PCBP3: variants seen among roughly 807,000 people sequenced by gnomAD.
PCBP3 encodes the protein poly(rC) binding protein 3, also known as poly(rC)-binding protein 3.
Under a neutral mutation model 52.7 loss-of-function variants are expected in PCBP3, and 25 were observed. The ratio of observed to expected loss-of-function variants is 0.47; its 90% CI spans 0.35 to 0.66. The LOEUF (loss-of-function observed/expected upper bound fraction) is 0.66. PCBP3 is among the 30% of genes least tolerant of loss of function. The pLI is 0.01. For missense variants in PCBP3, 391 were observed against 490.3 expected (o/e 0.80, Z 1.91); for synonymous variants, 162 against 183.0 (o/e 0.89, Z 0.93).
At chr21:45,756,797 T>A (rs921191147) in intron 4 of PCBP3, among the ~76,000 whole-genome samples, 1 of 152,220 alleles carries the variant, frequency 6.6e-6, no homozygotes, top group South Asian at 2.1e-4. Context: ...CTCAGCATAT[T>A]TTCAAAGTTT....
At chr21:45,834,929 C>T (rs1336796699) in intron 4 of PCBP3, among the ~76,000 whole-genome samples, 1 of 152,228 alleles carries the variant, frequency 6.6e-6, no homozygotes, top group Non-Finnish European at 1.5e-5. Context: ...CACCGTGAGT[C>T]CCTCAAAGCG....
In PCBP3 at chr21:45,737,938, A is replaced by C. The variant is rs1482493743; in HGVS notation, c.-162+2509A>C. ...AGTTTTGGAAGCACTTGGTTTTTCCATTCCCATGTCTTGGAGGACTCTTCC... is the reference window on the plus strand; with the variant it reads ...AGTTTTGGAAGCACTTGGTTTTTCCCTTCCCATGTCTTGGAGGACTCTTCC... On this transcript the variant is annotated intron_variant, in intron 3 of 17. Transcript: ENST00000681687. The surrounding 1 kb of genome is among the most constrained non-coding windows in gnomAD (Gnocchi z 4.9). 6.6e-6 allele frequency among the ~76,000 whole-genome samples: 1 copy of C among 152,182 alleles called. No homozygotes were observed. The highest frequency in any genetic ancestry group is 1.5e-5 in the Non-Finnish European group (1 of 68,032).
intron 4 of PCBP3, among the ~76,000 whole-genome samples, chr21:45,784,420 CCCTACCT>C (rs537648185): frequency 0.082 from 10,188 of 124,330 alleles, 1,074 homozygotes; most frequent in Non-Finnish European, 0.11. Flanking sequence ...CTACCGCTAC[CCCTACCT>C]CCTACCTCCT....
intron 2 of PCBP3, among the ~76,000 whole-genome samples, chr21:45,680,076 T>TC (rs2081740759): frequency 6.6e-6 from 1 of 152,246 alleles, no homozygotes; most frequent in South Asian, 2.1e-4. Flanking sequence ...CTTATATCGT[T>TC]CCATTGATTG....
At position 45,939,960 on chromosome 21, in the gene PCBP3, C is replaced by T. The variant is rs868831723; in HGVS notation, c.910-70C>T. On this transcript the variant is annotated intron_variant, in intron 16 of 17. Coordinates refer to ENST00000681687, the MANE Select transcript of PCBP3 (RefSeq NM_001384156.1). The stretch of plus-strand genomic sequence containing the variant: ...GGCCCGTCCCACCGGCCCCCTCGGG[C>T]GCACTGCCCACAGTCTTCAGGGGCT... The T allele has an allele frequency of 5.7e-5, 81 of 1,430,040 alleles. No homozygotes were observed. The African/African-American group carries it at 6.9e-4, about 12-fold the overall frequency. The allele number at this position is 1,430,040 out of a possible 1,614,324, so 88.6% of individuals were successfully genotyped here.
chr21:45,816,498 CCCCCTCCCCTCCCCT>C (rs1211168287), intron 4 of PCBP3, among the ~76,000 whole-genome samples: 5 of 55,222 alleles, frequency 9.1e-5, no homozygotes, highest in South Asian at 1.3e-3. Context: ...TCCTCCCCTT[CCCCCTCCCCTCCCCT>C]CCCCTCCCCT....
At chr21:45,912,479 C>T (rs1052917964) in intron 11 of PCBP3, among the ~76,000 whole-genome samples, 1 of 152,154 alleles carries the variant, frequency 6.6e-6, no homozygotes, top group Non-Finnish European at 1.5e-5. Context: ...GGGCATGCCT[C>T]ACCTCACACC....
At chr21:45,894,381 G>T (rs1201539696) in intron 5 of PCBP3, among the ~76,000 whole-genome samples, 1 of 152,112 alleles carries the variant, frequency 6.6e-6, no homozygotes, top group Non-Finnish European at 1.5e-5. Context: ...TAATTAAAAG[G>T]GAGGCACAGA....
chr21:45,774,428 C>A (rs1054616843), intron 4 of PCBP3, among the ~76,000 whole-genome samples: 1 of 151,184 alleles, frequency 6.6e-6, no homozygotes, highest in Non-Finnish European at 1.5e-5. Context: ...TTGGTGGAGA[C>A]TTTAGTTTTT....
chr21:45,841,410 G>GAA lies in PCBP3; in HGVS notation c.-125-8542_-125-8541dup, dbSNP rs11373212. On this transcript the variant is annotated intron_variant, in intron 4 of 17. Transcript: ENST00000681687. ...TACATTTCTTCTACTTTTCATTTCT[G>GAA]AAAAAAAAAATCTAGTTGGTTCGTG... 4.4e-4 allele frequency among the ~76,000 whole-genome samples: 66 copies of GAA among 150,288 alleles called. No homozygotes were observed. In the South Asian group the frequency reaches 8.6e-3, roughly 20 times the overall value.
intron 4 of PCBP3, among the ~76,000 whole-genome samples, chr21:45,814,402 AAGTGGTGAGTGAGTGGTG>A (rs1232717294): frequency 2.0e-5 from 2 of 99,650 alleles, no homozygotes; most frequent in African/African-American, 3.9e-5. Context: ...GATGAGTGGT[AAGTGGTGAGTGAGTGGTG>A]AGTGGTGACT....
intron 7 of PCBP3, among the ~76,000 whole-genome samples, chr21:45,900,048 T>A (rs2095985527): frequency 1.3e-5 from 2 of 152,060 alleles, no homozygotes; most frequent in Non-Finnish European, 2.9e-5. Context: ...TAAGGCCCAG[T>A]TTGGAAGCCT....
chr21:45,786,132 A>AT (rs1320757671), intron 4 of PCBP3, among the ~76,000 whole-genome samples: 75 of 144,492 alleles, frequency 5.2e-4, no homozygotes, highest in Non-Finnish European at 4.1e-4. Flanking sequence ...TGATCAATAA[A>AT]AAAATAAATA....
At chr21:45,883,021 G>A (rs191521765) in intron 5 of PCBP3, among the ~76,000 whole-genome samples, 2 of 152,348 alleles carry the variant, frequency 1.3e-5, no homozygotes, top group South Asian at 2.1e-4. Flanking sequence ...CTCTTCAAAT[G>A]TGTGTGTTTC....
chr21:45,858,598 C>T (rs2094396502), intron 5 of PCBP3: 1 of 152,136 alleles, frequency 6.6e-6, no homozygotes, highest in Non-Finnish European at 1.5e-5. Context: ...AAAAGGAAGG[C>T]CACCTTTGCA....
At chr21:45,719,184 G>T (rs774444116) in intron 2 of PCBP3, among the ~76,000 whole-genome samples, 1 of 152,128 alleles carries the variant, frequency 6.6e-6, no homozygotes, top group Non-Finnish European at 1.5e-5. Context: ...TCCTCACCCT[G>T]CAATAAGGTT....
In PCBP3 at chr21:45,791,039, C is replaced by T. The variant is rs906420086; in HGVS notation, c.-126+35587C>T. ...GAACCACTGGGGCAGCCTTGGGATGCCCAGGATGGGGGTGGGCTCAGTAGA... is the reference window on the plus strand; with the variant it reads ...GAACCACTGGGGCAGCCTTGGGATGTCCAGGATGGGGGTGGGCTCAGTAGA... On this transcript the variant is annotated intron_variant, in intron 4 of 17. Coordinates refer to ENST00000681687, the MANE Select transcript of PCBP3 (RefSeq NM_001384156.1). This position sits in a 1 kb window ranked among gnomAD's most constrained non-coding sequence, Gnocchi z 4.2. Among the ~76,000 whole-genome samples the T allele has an allele frequency of 1.3e-5, 2 of 152,084 alleles. No individual in the cohort carries two copies. The highest frequency in any genetic ancestry group is 2.9e-5 in the Non-Finnish European group (2 of 68,018).
In PCBP3 at chr21:45,942,039, C is replaced by G; in HGVS notation, c.*333C>G. 2 of 275,730 alleles carry G rather than the reference C, an allele frequency of 7.3e-6. No individual in the cohort carries two copies. The highest frequency in any genetic ancestry group is 1.4e-5 in the Non-Finnish European group (2 of 147,652). 17.1% of individuals were successfully genotyped at this position (275,730 alleles called of 1,614,324 possible). On this transcript the variant is annotated 3_prime_UTR_variant, in exon 18 of 18. Transcript: ENST00000681687. The stretch of plus-strand genomic sequence containing the variant: ...CTGTCTTAGGAGCTGGGTCGGCGTT[C>G]CGACAGCACTTCCTGTCCGCCCTTC...
At position 45,659,792 on chromosome 21, in the gene PCBP3, C is replaced by T. The variant is rs754456491; in HGVS notation, c.-278-9082C>T. Among the ~76,000 whole-genome samples, 29 of 151,998 alleles carry T rather than the reference C, an allele frequency of 1.9e-4. No homozygotes were observed. In the Middle Eastern group the frequency reaches 0.01, roughly 53 times the overall value. ...ATCTGTTACTGATTTCTATTTTTTT[C>T]CCTTGTGGTTGGGGAACATATTTTA... is the stretch of plus-strand genomic sequence containing the variant. On this transcript the variant is annotated intron_variant, in intron 1 of 17. Transcript: ENST00000681687.
Sources: allele counts gnomAD v4.1 joint callset (sites outside exome capture counted in the v4.1 genomes callset), GRCh38; gene constraint gnomAD v4.1.1; non-coding constraint Gnocchi (gnomAD v3.1); transcripts MANE v1.5; gene names NCBI Gene and HGNC (gene_info 2026-07-23, HGNC 2026-07-21).